The following PTPRE variants were observed in gnomAD, a reference collection of about 807,000 sequenced individuals.
PTPRE encodes receptor-type tyrosine-protein phosphatase epsilon.
In PTPRE, 51 loss-of-function variants were observed where a neutral mutation model predicts 102.0. That is an observed-to-expected ratio of 0.50 (90% CI 0.40 to 0.63). The LOEUF is 0.63. Among genes scored for constraint, PTPRE ranks in the 30% least tolerant of loss-of-function variants. PTPRE has a pLI of 0.00. For synonymous variants in PTPRE, 345 were observed against 348.2 expected, an observed-to-expected ratio of 0.99 and a Z score of 0.10; for missense variants, 752 against 915.1, an observed-to-expected ratio of 0.82 and a Z score of 2.30.
chr10:127,907,228 C>G lies in PTPRE; in HGVS notation c.-112C>G. ...CGCCCGGCGAAGACAGCCGGGCGCC[C>G]CGGAGGGCGGCGGGCAGGCGCCCGG... is the stretch of plus-strand genomic sequence containing the variant. On this transcript the variant is annotated 5_prime_UTR_variant, in exon 1 of 21. Transcript: ENST00000254667. The surrounding 1 kb of genome is among the most constrained non-coding windows in gnomAD (Gnocchi z 4.8). 1.0e-6 allele frequency: 1 copy of G among 984,000 alleles called. No homozygotes were observed. Among genetic ancestry groups the G allele is most frequent in the Non-Finnish European group, 1.2e-6 (1 of 829,072 alleles). The allele number at this position is 984,000 out of a possible 1,614,324, so 61.0% of individuals were successfully genotyped here. A position where few individuals can be genotyped will look rare whatever the true frequency, so the allele number is the denominator to read the frequency against.
In PTPRE at chr10:127,913,083, C is replaced by T. The variant is rs376328533; in HGVS notation, c.-31+5774C>T. On this transcript the variant is annotated intron_variant, in intron 1 of 20. Coordinates refer to ENST00000254667, the MANE Select transcript of PTPRE (RefSeq NM_006504.6). ...ACAAGGCAAGGGACTTCCCCTGGCC[C>T]AGTGTGAGCCCAAGTCTTTACGGTG... Among the ~76,000 whole-genome samples, 131 of 152,298 alleles carry T rather than the reference C, an allele frequency of 8.6e-4. 1 individual carries two copies. The East Asian group carries it at 0.02, about 23-fold the overall frequency.
intron 1 of PTPRE, among the ~76,000 whole-genome samples, chr10:127,963,671 A>AGTGT (rs149147211): frequency 2.0e-5 from 3 of 150,522 alleles, no homozygotes; most frequent in African/African-American, 7.3e-5. Context: ...CCTGGGGTGG[A>AGTGT]GTGTGTGTGT....
chr10:128,068,192 G>A lies in PTPRE; in HGVS notation c.913G>A (p.Gly305Arg), dbSNP rs376893332. The A allele has an allele frequency of 3.0e-5, 49 of 1,613,998 alleles. No individual in the cohort carries two copies. The highest frequency in any genetic ancestry group is 1.2e-4 in the Admixed American group (7 of 59,998). ...QLHFTSWPDF[G>R]VPFTPIGMLK... Reference sequence around the variant, plus strand: ...GCACTTCACCAGCTGGCCCGACTTCGGAGTGCCTTTTACCCCCATTGGGAT... The same window carrying A: ...GCACTTCACCAGCTGGCCCGACTTCAGAGTGCCTTTTACCCCCATTGGGAT... The change falls in exon 12 of 21, where the codon GGA (glycine) becomes AGA (arginine). Residue 305 changes from glycine to arginine, a missense_variant. Gly to Arg is a moderately radical substitution (Grantham distance 125). Coordinates refer to ENST00000254667, the MANE Select transcript of PTPRE (RefSeq NM_006504.6).
At chr10:128,009,764 T>A (rs1844822541) in intron 2 of PTPRE, among the ~76,000 whole-genome samples, 1 of 152,230 alleles carries the variant, frequency 6.6e-6, no homozygotes, top group African/African-American at 2.4e-5. Flanking sequence ...CCTTCATTGT[T>A]TAAATATCAC....
chr10:127,969,364 C>T (rs541725381), intron 1 of PTPRE, among the ~76,000 whole-genome samples: 9 of 152,184 alleles, frequency 5.9e-5, no homozygotes, highest in Non-Finnish European at 1.2e-4. Context: ...TTTGCAGGGT[C>T]GTCATGAGGA....
At chr10:128,030,727 G>A (rs1846674828) in intron 2 of PTPRE, among the ~76,000 whole-genome samples, 1 of 152,150 alleles carries the variant, frequency 6.6e-6, no homozygotes, top group Admixed American at 6.5e-5. Context: ...AACACTGAGG[G>A]TTGGCGTTGC....
intron 2 of PTPRE, among the ~76,000 whole-genome samples, chr10:127,992,712 C>A (rs1036078095): frequency 6.6e-6 from 1 of 152,186 alleles, no homozygotes; most frequent in Non-Finnish European, 1.5e-5. Context: ...GGTACCAGGT[C>A]TAAAATCCAA....
intron 2 of PTPRE, chr10:127,987,289 C>A: frequency 8.1e-7 from 1 of 1,234,898 alleles, no homozygotes; most frequent in Non-Finnish European, 1.0e-6. Flanking sequence ...CACAGCAGAC[C>A]CAGTTCAAAG....
In PTPRE at chr10:128,083,870, G is replaced by C. The variant is rs1191338336; in HGVS notation, c.*964G>C. 6.6e-6 allele frequency: 1 copy of C among 152,194 alleles called. No individual in the cohort carries two copies. Among genetic ancestry groups the C allele is most frequent in the Non-Finnish European group, 1.5e-5 (1 of 68,038 alleles). The allele number at this position is 152,194 out of a possible 1,614,324, so 9.4% of individuals were successfully genotyped here. Reference sequence around the variant, plus strand: ...AGCACACATTAGGATAGAAACAGTAGAATAACCACGGGCAATTAAACTTTA... The same window carrying C: ...AGCACACATTAGGATAGAAACAGTACAATAACCACGGGCAATTAAACTTTA... On this transcript the variant is annotated 3_prime_UTR_variant, in exon 21 of 21. Coordinates refer to ENST00000254667, the MANE Select transcript of PTPRE (RefSeq NM_006504.6).
At chr10:127,984,656 G>A (rs986033332) in intron 2 of PTPRE, among the ~76,000 whole-genome samples, 2 of 152,142 alleles carry the variant, frequency 1.3e-5, no homozygotes, top group African/African-American at 2.4e-5. Flanking sequence ...GAATCATGGG[G>A]GCGGTTCCCC....
At chr10:127,983,842 G>A (rs900935878) in intron 2 of PTPRE, among the ~76,000 whole-genome samples, 1 of 152,104 alleles carries the variant, frequency 6.6e-6, no homozygotes, top group Non-Finnish European at 1.5e-5. Flanking sequence ...AGCAGCTCCC[G>A]CAGCTGAGTG....
At chr10:128,074,958 A>C (rs1250103436) in intron 17 of PTPRE, among the ~76,000 whole-genome samples, 2 of 152,092 alleles carry the variant, frequency 1.3e-5, no homozygotes, top group Non-Finnish European at 2.9e-5. Context: ...ATCCTAGTGG[A>C]TATGTTCTTT....
chr10:127,982,034 C>T (rs1435645553), intron 1 of PTPRE, among the ~76,000 whole-genome samples: 14 of 152,078 alleles, frequency 9.2e-5, no homozygotes, highest in Non-Finnish European at 1.5e-5. Flanking sequence ...GGTCAGTGGC[C>T]ACACCCCACC....
Position 127,981,254 on chromosome 10 carries a change from A to G in PTPRE, c.-30-1020A>G, listed in dbSNP as rs1589894199. On this transcript the variant is annotated intron_variant, in intron 1 of 20. Coordinates refer to ENST00000254667, the MANE Select transcript of PTPRE (RefSeq NM_006504.6). Reference sequence around the variant, plus strand: ...AGTCCATTTATATGAAATACTCAGAATAGGCCAATCCATAAAGACAGAAAG... The same window carrying G: ...AGTCCATTTATATGAAATACTCAGAGTAGGCCAATCCATAAAGACAGAAAG... 5.9e-5 allele frequency among the ~76,000 whole-genome samples: 9 copies of G among 152,350 alleles called. No individual in the cohort carries two copies. The South Asian group carries it at 1.9e-3, about 32-fold the overall frequency.
At position 128,028,101 on chromosome 10, in the gene PTPRE, TGCAGACCACTG is replaced by T. The variant is rs1308200576; in HGVS notation, c.-7-12772_-7-12762del. On this transcript the variant is annotated intron_variant, in intron 2 of 20. Coordinates refer to ENST00000254667, the MANE Select transcript of PTPRE (RefSeq NM_006504.6). This position sits in a 1 kb window ranked among gnomAD's most constrained non-coding sequence, Gnocchi z 4.5. Reference sequence around the variant, plus strand: ...GGCAGCGAGCCCAGGACACTGATGGTGCAGACCACTGGATTTCTGGAGAACACTGTACTTCG... The same window carrying T: ...GGCAGCGAGCCCAGGACACTGATGGTGATTTCTGGAGAACACTGTACTTCG... 2.0e-5 allele frequency among the ~76,000 whole-genome samples: 3 copies of T among 152,196 alleles called. No homozygotes were observed. Among genetic ancestry groups the T allele is most frequent in the Admixed American group, 2.0e-4 (3 of 15,282 alleles).
At position 128,047,458 on chromosome 10, in the gene PTPRE, C is replaced by T. The variant is rs985682066; in HGVS notation, c.178C>T (p.Leu60Phe). Residue 60 changes from leucine to phenylalanine, a missense_variant, in exon 4 of 21, where the codon CTC becomes TTC. By Grantham distance (22) the Leu-to-Phe change is conservative. Coordinates refer to ENST00000254667, the MANE Select transcript of PTPRE (RefSeq NM_006504.6). ...WLLLPLLLLLLVLLLAAYFFR... is the reference protein window; with the variant it reads ...WLLLPLLLLLFVLLLAAYFFR... Reference sequence around the variant, plus strand: ...GCTACTGCCGCTGCTGCTCCTCCTCCTCGTGCTCCTTCTCGCCGCCTACTT... The same window carrying T: ...GCTACTGCCGCTGCTGCTCCTCCTCTTCGTGCTCCTTCTCGCCGCCTACTT... 1.2e-6 allele frequency: 2 copies of T among 1,613,442 alleles called. No homozygotes were observed. The highest frequency in any genetic ancestry group is 1.7e-5 in the Admixed American group (1 of 60,026).
At chr10:127,979,795 A>G (rs1269668980) in intron 1 of PTPRE, among the ~76,000 whole-genome samples, 2 of 152,184 alleles carry the variant, frequency 1.3e-5, no homozygotes, top group African/African-American at 4.8e-5. Flanking sequence ...GTCTTTTCCC[A>G]TGTGGTTTTA....
chr10:127,998,665 C>T (rs1853535101), intron 2 of PTPRE: 1 of 152,122 alleles, frequency 6.6e-6, no homozygotes, highest in African/African-American at 2.4e-5. Flanking sequence ...TGACGTGCTG[C>T]GTTGGTGCGT....
At chr10:128,010,768 T>G (rs1220580184) in intron 2 of PTPRE, among the ~76,000 whole-genome samples, 1 of 152,050 alleles carries the variant, frequency 6.6e-6, no homozygotes, top group Non-Finnish European at 1.5e-5. Context: ...ATTTTTTGTA[T>G]TTTTAGTCGA....
Sources: allele counts gnomAD v4.1 joint callset (sites outside exome capture counted in the v4.1 genomes callset), GRCh38; gene constraint gnomAD v4.1.1; non-coding constraint Gnocchi (gnomAD v3.1); transcripts MANE v1.5; gene names NCBI Gene and HGNC (gene_info 2026-07-23, HGNC 2026-07-21).